TNFRSF8: variants seen among roughly 807,000 people sequenced by gnomAD.
TNFRSF8 encodes the protein TNF receptor superfamily member 8.
Under a neutral mutation model 70.8 loss-of-function variants are expected in TNFRSF8, and 26 were observed. The ratio of observed to expected loss-of-function variants is 0.37; its 90% CI spans 0.27 to 0.51. The LOEUF is 0.51. Among genes scored for constraint, TNFRSF8 ranks in the 20% least tolerant of loss-of-function variants. The probability of loss-of-function intolerance (pLI) is 0.94; values close to 1 mark genes in which losing one functional copy is unlikely to be tolerated. For missense variants in TNFRSF8, 720 were observed against 807.9 expected (o/e 0.89, Z 1.32); for synonymous variants, 356 against 339.2 (o/e 1.05, Z -0.54).
intron 8 of TNFRSF8, among the ~76,000 whole-genome samples, chr1:12,116,889 C>T (rs1043061890): frequency 6.6e-6 from 1 of 152,004 alleles, no homozygotes; most frequent in Admixed American, 6.6e-5. Flanking sequence ...GCTTCTAGGA[C>T]CCCCAGAGAG....
chr1:12,125,476 T>C (rs11569909), intron 10 of TNFRSF8, among the ~76,000 whole-genome samples: 10,407 of 152,182 alleles, frequency 0.068, 721 homozygotes, highest in East Asian at 0.35. Context: ...GGAACGCTTG[T>C]GGGGTGTGTT....
chr1:12,138,470 C>T lies in TNFRSF8; in HGVS notation c.1543+34C>T. ...GCCTGTTTTGGGAGGTCCCCTGCAG[C>T]CCAGGGGCAGATGGGAGATGAATAC... On this transcript the variant is annotated intron_variant, in intron 14 of 14. Coordinates refer to ENST00000263932, the MANE Select transcript of TNFRSF8 (RefSeq NM_001243.5). This position sits in a 1 kb window ranked among gnomAD's most constrained non-coding sequence, Gnocchi z 5.7. The T allele has an allele frequency of 6.3e-7, 1 of 1,580,160 alleles. No homozygotes were observed. Among genetic ancestry groups the T allele is most frequent in the Non-Finnish European group, 8.6e-7 (1 of 1,158,434 alleles).
Position 12,116,725 on chromosome 1 carries a change from G to A in TNFRSF8, c.946+996G>A, listed in dbSNP as rs190002852. On this transcript the variant is annotated intron_variant, in intron 8 of 14. Coordinates refer to ENST00000263932, the MANE Select transcript of TNFRSF8 (RefSeq NM_001243.5). ...TGAGGCAGGAGAATCGCTTGAACCC[G>A]GGAGGCATAGGTTGCAGTGAGCCGA... 3.1e-3 allele frequency among the ~76,000 whole-genome samples: 465 copies of A among 152,230 alleles called. 2 individuals are homozygous for A. Among genetic ancestry groups the A allele is most frequent in the Middle Eastern group, 6.8e-3 (2 of 294 alleles).
intron 1 of TNFRSF8, among the ~76,000 whole-genome samples, chr1:12,078,985 T>C (rs949691460): frequency 2.0e-5 from 3 of 152,172 alleles, no homozygotes; most frequent in African/African-American, 7.2e-5. Context: ...GGGCCTCACC[T>C]TGAATAACAG....
chr1:12,132,232 TG>T (rs1642060797), intron 12 of TNFRSF8, among the ~76,000 whole-genome samples: 1 of 152,248 alleles, frequency 6.6e-6, no homozygotes, highest in Non-Finnish European at 1.5e-5. Flanking sequence ...GAACCATTAT[TG>T]ACACAGGATT....
In TNFRSF8 at chr1:12,142,575, T is replaced by C; in HGVS notation, c.*44T>C. 1 of 1,542,620 alleles carries C rather than the reference T, an allele frequency of 6.5e-7. No homozygotes were observed. Among genetic ancestry groups the C allele is most frequent in the Non-Finnish European group, 8.8e-7 (1 of 1,141,888 alleles). On this transcript the variant is annotated 3_prime_UTR_variant, in exon 15 of 15. Transcript: ENST00000263932. This position sits in a 1 kb window ranked among gnomAD's most constrained non-coding sequence, Gnocchi z 5.0. ...GCTAGGAGGGCAGCAGGGTGGCCTCTGGGAGGCCAGGATGGCACTGTTGGC... is the reference window on the plus strand; with the variant it reads ...GCTAGGAGGGCAGCAGGGTGGCCTCCGGGAGGCCAGGATGGCACTGTTGGC...
At chr1:12,136,264 A>T (rs1052242562) in intron 13 of TNFRSF8, among the ~76,000 whole-genome samples, 7 of 152,330 alleles carry the variant, frequency 4.6e-5, no homozygotes, top group South Asian at 2.1e-4. Flanking sequence ...AATACTGAGA[A>T]ATTTCATGAA....
In TNFRSF8 at chr1:12,063,848, T is replaced by C. The variant is rs763965704; in HGVS notation, c.63+187T>C. Among the ~76,000 whole-genome samples the C allele has an allele frequency of 2.6e-5, 4 of 152,106 alleles. No individual in the cohort carries two copies. Among genetic ancestry groups the C allele is most frequent in the Non-Finnish European group, 5.9e-5 (4 of 68,004 alleles). Reference sequence around the variant, plus strand: ...ACAGGTGGGAGGCTGGCTGAAGGGCTAGTGGTGGGGGGCGCCTCCTTCTCA... The same window carrying C: ...ACAGGTGGGAGGCTGGCTGAAGGGCCAGTGGTGGGGGGCGCCTCCTTCTCA... On this transcript the variant is annotated intron_variant, in intron 1 of 14. Coordinates refer to ENST00000263932, the MANE Select transcript of TNFRSF8 (RefSeq NM_001243.5). The surrounding 1 kb of genome is among the most constrained non-coding windows in gnomAD (Gnocchi z 7.2).
intron 2 of TNFRSF8, among the ~76,000 whole-genome samples, chr1:12,091,263 C>A (rs1354327206): frequency 6.6e-6 from 1 of 152,118 alleles, no homozygotes; most frequent in Non-Finnish European, 1.5e-5. Flanking sequence ...CCTGGAAACA[C>A]CAATTTGGAA....
intron 7 of TNFRSF8, among the ~76,000 whole-genome samples, chr1:12,114,254 A>G (rs962326340): frequency 3.9e-4 from 60 of 152,172 alleles, no homozygotes; most frequent in African/African-American, 1.4e-3. Flanking sequence ...TCAGAGAACC[A>G]TGTGAGAATT....
At position 12,113,258 on chromosome 1, in the gene TNFRSF8, C is replaced by T. The variant is rs372044563; in HGVS notation, c.793+1244C>T. ...CTGCAGCCTTGGTTCCCTTCCATGTCGGCCTCTTCGTGTCTTACCTGGGGC... is the reference window on the plus strand; with the variant it reads ...CTGCAGCCTTGGTTCCCTTCCATGTTGGCCTCTTCGTGTCTTACCTGGGGC... On this transcript the variant is annotated intron_variant, in intron 7 of 14. Coordinates refer to ENST00000263932, the MANE Select transcript of TNFRSF8 (RefSeq NM_001243.5). This position sits in a 1 kb window ranked among gnomAD's most constrained non-coding sequence, Gnocchi z 4.9. Among the ~76,000 whole-genome samples the T allele has an allele frequency of 1.3e-5, 2 of 152,148 alleles. No homozygotes were observed. Among genetic ancestry groups the T allele is most frequent in the African/African-American group, 2.4e-5 (1 of 41,434 alleles).
intron 2 of TNFRSF8, among the ~76,000 whole-genome samples, chr1:12,085,689 G>A (rs1215444303): frequency 6.6e-6 from 1 of 152,234 alleles, no homozygotes. Flanking sequence ...CACCGTGATT[G>A]ACTTCTAGTC....
Position 12,126,226 on chromosome 1 carries a change from A to T in TNFRSF8, c.1299A>T (p.Leu433=), listed in dbSNP as rs1407014168. 3.7e-6 allele frequency: 6 copies of T among 1,613,050 alleles called. No individual in the cohort carries two copies. The highest frequency in any genetic ancestry group is 5.1e-6 in the Non-Finnish European group (6 of 1,179,196). ...CYPVQTSQPK[L]ELVDSRPRRS... ...CGGTCCAGACCTCCCAGCCCAAGCT[A>T]GAGCTTGTGGGTGAGTGTCCAGCCG... The change falls in exon 12 of 15, where the codon CTA becomes CTT. Residue 433 remains leucine (L), a synonymous_variant. Transcript: ENST00000263932.
intron 1 of TNFRSF8, among the ~76,000 whole-genome samples, chr1:12,073,679 T>G (rs1452935112): frequency 6.6e-6 from 1 of 150,936 alleles, no homozygotes; most frequent in Non-Finnish European, 1.5e-5. Context: ...ATGCAACCTC[T>G]GCCTCCCGGG....
At chr1:12,116,168 A>T (rs969112862) in intron 8 of TNFRSF8, among the ~76,000 whole-genome samples, 2 of 151,944 alleles carry the variant, frequency 1.3e-5, no homozygotes, top group Non-Finnish European at 2.9e-5. Context: ...TTTAGAAGAG[A>T]TGCGGTTTCT....
Position 12,119,624 on chromosome 1 carries a change from C to T in TNFRSF8, c.947-3660C>T, listed in dbSNP as rs994051382. Among the ~76,000 whole-genome samples, 2 of 149,646 alleles carry T rather than the reference C, an allele frequency of 1.3e-5. No homozygotes were observed. The highest frequency in any genetic ancestry group is 3.0e-5 in the Non-Finnish European group (2 of 67,740). On this transcript the variant is annotated intron_variant, in intron 8 of 14. Coordinates refer to ENST00000263932, the MANE Select transcript of TNFRSF8 (RefSeq NM_001243.5). This position sits in a 1 kb window ranked among gnomAD's most constrained non-coding sequence, Gnocchi z 4.4. ...TTATTATTTTTATTATTTTTAGAGA[C>T]AGGGTCTCACTCTGTGTTCCAGGCT...
chr1:12,100,923 C>T (rs886561214), intron 3 of TNFRSF8, among the ~76,000 whole-genome samples: 10 of 150,630 alleles, frequency 6.6e-5, no homozygotes, highest in Non-Finnish European at 1.0e-4. Context: ...TGCTACTGCA[C>T]TCCAGCCTGG....
chr1:12,140,817 C>A (rs1014978146), intron 14 of TNFRSF8, among the ~76,000 whole-genome samples: 1 of 151,972 alleles, frequency 6.6e-6, no homozygotes, highest in Non-Finnish European at 1.5e-5. Flanking sequence ...TCCCACCTGA[C>A]CCCACCCGCC....
intron 12 of TNFRSF8, among the ~76,000 whole-genome samples, chr1:12,134,135 A>G: frequency 6.6e-6 from 1 of 152,084 alleles, no homozygotes; most frequent in East Asian, 1.9e-4. Flanking sequence ...ACTTTATCCT[A>G]CTTGTTGACT....
Sources: gnomAD v4.1 joint callset for allele counts (sites outside exome capture counted in the v4.1 genomes callset) on GRCh38, gnomAD v4.1.1 for gene constraint, Gnocchi (gnomAD v3.1) non-coding constraint, MANE v1.5 for transcripts, NCBI Gene and HGNC (gene_info 2026-07-23, HGNC 2026-07-21) for gene names.